The following ADAM10 variants were observed in gnomAD, a reference collection of about 807,000 sequenced individuals.
The protein encoded by ADAM10 is disintegrin and metalloproteinase domain-containing protein 10.
In ADAM10, 17 loss-of-function variants were observed where a neutral mutation model predicts 90.1. The ratio of observed to expected loss-of-function variants is 0.19; its 90% CI spans 0.13 to 0.28. The LOEUF (loss-of-function observed/expected upper bound fraction) is 0.28, where lower values mean the gene tolerates loss of function less well. ADAM10 is among the 10% of genes least tolerant of loss of function. The pLI is 1.00. For missense variants in ADAM10, 610 were observed against 914.3 expected, an observed-to-expected ratio of 0.67 and a Z score of 4.29; for synonymous variants, 310 against 298.6, an observed-to-expected ratio of 1.04 and a Z score of -0.40.
At chr15:58,627,326 G>A (rs8031412) in intron 10 of ADAM10, among the ~76,000 whole-genome samples, 7,621 of 152,168 alleles carry the variant, frequency 0.05, 650 homozygotes, top group African/African-American at 0.17. Flanking sequence ...GAAATGTCCT[G>A]TATCTTGATA....
rs1894920923 is a variant in ADAM10, at chr15:58,595,267, G to A, written c.*2280C>T. 1 of 152,024 alleles carries A rather than the reference G, an allele frequency of 6.6e-6. No individual in the cohort carries two copies. Among genetic ancestry groups the A allele is most frequent in the African/African-American group, 2.4e-5 (1 of 41,414 alleles). The allele number at this position is 152,024 out of a possible 1,614,324, so 9.4% of individuals were successfully genotyped here. A position where few individuals can be genotyped will look rare whatever the true frequency, so the allele number is the denominator to read the frequency against. ...TATCTAACTGGAAATTTTCTACATG[G>A]ATTCCAAAGTATTAAGAATAAAGAT... is the stretch of plus-strand genomic sequence containing the variant. On this transcript the variant is annotated 3_prime_UTR_variant, in exon 16 of 16. Transcript: ENST00000260408.
Position 58,591,124 on chromosome 15 carries a change from TTAGC to T in ADAM10, c.*6419_*6422del, listed in dbSNP as rs1894815163. On this transcript the variant is annotated 3_prime_UTR_variant, in exon 16 of 16. Transcript: ENST00000260408. ...GAGAACAAATATTTTACTTAAGTAG[TTAGC>T]TAAGCCCTTCAACAGTGAGAGAGAG... The T allele has an allele frequency of 6.7e-6, 1 of 149,332 alleles. No individual in the cohort carries two copies. The allele number at this position is 149,332 out of a possible 1,614,324, so 9.3% of individuals were successfully genotyped here.
chr15:58,687,206 G>C (rs1292989814), intron 2 of ADAM10, among the ~76,000 whole-genome samples: 1 of 152,134 alleles, frequency 6.6e-6, no homozygotes, highest in Non-Finnish European at 1.5e-5. Context: ...CTAATTATGG[G>C]AGCAGATTCT....
intron 13 of ADAM10, 32 bp from the exon 14 acceptor site, chr15:58,610,549 GTCAGAT>G: frequency 1.9e-6 from 3 of 1,590,856 alleles, no homozygotes; most frequent in Non-Finnish European, 2.6e-6. Context: ...TAAGCTGAAG[GTCAGAT>G]TCAAATATAA....
chr15:58,711,096 TAAAC>T (rs1898458334), intron 2 of ADAM10, among the ~76,000 whole-genome samples: 1 of 152,232 alleles, frequency 6.6e-6, no homozygotes, highest in Non-Finnish European at 1.5e-5. Context: ...TCATTTGTTT[TAAAC>T]AGTTTGGAAA....
intron 2 of ADAM10, chr15:58,698,279 C>T (rs1438589375): frequency 2.2e-6 from 1 of 450,412 alleles, no homozygotes; most frequent in Non-Finnish European, 4.4e-6. Context: ...GAGAAATTTA[C>T]CAAAGACAGA....
chr15:58,727,176 C>CTTTT (rs779017607), intron 1 of ADAM10, among the ~76,000 whole-genome samples: 1 of 78,004 alleles, frequency 1.3e-5, no homozygotes, highest in Non-Finnish European at 2.4e-5. Context: ...CCTGACTAAT[C>CTTTT]TTTTTTTTTT....
At chr15:58,720,300 C>T (rs1371746178) in intron 1 of ADAM10, among the ~76,000 whole-genome samples, 1 of 152,134 alleles carries the variant, frequency 6.6e-6, no homozygotes, top group Non-Finnish European at 1.5e-5. Context: ...CCAAAACTAT[C>T]TTCACAAGTA....
chr15:58,727,760 C>T (rs1410446617), intron 1 of ADAM10, among the ~76,000 whole-genome samples: 2 of 151,868 alleles, frequency 1.3e-5, no homozygotes, highest in Non-Finnish European at 2.9e-5. Flanking sequence ...GGAGTGGCTA[C>T]AGTAATAGCT....
intron 2 of ADAM10, among the ~76,000 whole-genome samples, chr15:58,694,721 T>C (rs1897927444): frequency 6.7e-6 from 1 of 149,956 alleles, no homozygotes; most frequent in African/African-American, 2.5e-5. Context: ...GATGTATTCA[T>C]ATAATGGCAA....
At position 58,681,352 on chromosome 15, in the gene ADAM10, C is replaced by T. The variant is rs115532886; in HGVS notation, c.325+844G>A. ...GAATTTAATGATTAGGTTTATTCTA[C>T]AAATGAGAAAGTTTAAGTATAGAAA... On this transcript the variant is annotated intron_variant, in intron 3 of 15. Coordinates refer to ENST00000260408, the MANE Select transcript of ADAM10 (RefSeq NM_001110.4). 6.2e-3 allele frequency among the ~76,000 whole-genome samples: 942 copies of T among 152,206 alleles called. 16 individuals are homozygous for T. The highest frequency in any genetic ancestry group is 0.022 in the African/African-American group (899 of 41,528).
intron 10 of ADAM10, among the ~76,000 whole-genome samples, chr15:58,622,965 T>C (rs1227490497): frequency 6.6e-6 from 1 of 152,158 alleles, no homozygotes; most frequent in Non-Finnish European, 1.5e-5. Context: ...GTTTTCTAGG[T>C]CTACGATCTG....
chr15:58,646,777 T>C (rs1364152519), intron 5 of ADAM10, among the ~76,000 whole-genome samples: 1 of 152,250 alleles, frequency 6.6e-6, no homozygotes, highest in Admixed American at 6.5e-5. Flanking sequence ...TCTAAAAGAT[T>C]AAGCCCAATA....
rs569362468 is a variant in ADAM10 at position 58,691,785 on chromosome 15, C to T, written c.207-9471G>A. The T allele has an allele frequency of 2.6e-5, 9 of 347,752 alleles. No individual in the cohort carries two copies. In the East Asian group the frequency reaches 6.2e-4, roughly 24 times the overall value. The allele number at this position is 347,752 out of a possible 1,614,324, so 21.5% of individuals were successfully genotyped here. A position where few individuals can be genotyped will look rare whatever the true frequency, so the allele number is the denominator to read the frequency against. The stretch of plus-strand genomic sequence containing the variant: ...GCAACTTCCGCCTCCCAGGTTCAAG[C>T]AATTCTCCTGCCTCAGCCTCCCAAG... On this transcript the variant is annotated intron_variant, in intron 2 of 15. Transcript: ENST00000260408.
In ADAM10 at chr15:58,604,394, C is replaced by T. The variant is rs138480842; in HGVS notation, c.2026-4670G>A. Among the ~76,000 whole-genome samples the T allele has an allele frequency of 9.6e-3, 1,466 of 152,174 alleles. 22 individuals carry two copies. Among genetic ancestry groups the T allele is most frequent in the African/African-American group, 0.033 (1,385 of 41,524 alleles). ...AAATAAACAAAGAACTTAGCTCTGG[C>T]GTTATCTCCTTAAAGGCTTTTCCTA... On this transcript the variant is annotated intron_variant, in intron 14 of 15. Coordinates refer to ENST00000260408, the MANE Select transcript of ADAM10 (RefSeq NM_001110.4).
chr15:58,616,936 G>A (rs911664123), intron 11 of ADAM10, among the ~76,000 whole-genome samples: 4 of 151,854 alleles, frequency 2.6e-5, no homozygotes, highest in Admixed American at 6.6e-5. Flanking sequence ...GTGAAACCCC[G>A]TCTCTACTAA....
intron 14 of ADAM10, among the ~76,000 whole-genome samples, chr15:58,606,903 G>A (rs1351833309): frequency 1.3e-5 from 2 of 152,158 alleles, no homozygotes; most frequent in Non-Finnish European, 2.9e-5. Flanking sequence ...GGTTTTGTGG[G>A]GCCATACAGT....
chr15:58,721,104 CA>C (rs1898837545), intron 1 of ADAM10, among the ~76,000 whole-genome samples: 1 of 152,228 alleles, frequency 6.6e-6, no homozygotes, highest in South Asian at 2.1e-4. Context: ...TGTTCTGAAG[CA>C]CTCATGACAA....
chr15:58,630,912 G>C (rs910542788), intron 9 of ADAM10, among the ~76,000 whole-genome samples: 3 of 152,154 alleles, frequency 2.0e-5, no homozygotes, highest in Non-Finnish European at 4.4e-5. Flanking sequence ...AACAAGAGAG[G>C]TCTGGGTCAT....
Sources: allele counts gnomAD v4.1 joint callset (sites outside exome capture counted in the v4.1 genomes callset), GRCh38; gene constraint gnomAD v4.1.1; transcripts MANE v1.5; gene names NCBI Gene and HGNC (gene_info 2026-07-23, HGNC 2026-07-21).